Variants in CNTN1 observed in about 807,000 individuals in gnomAD.
CNTN1 encodes the protein contactin 1.
In CNTN1, 38 loss-of-function variants were observed where a neutral mutation model predicts 126.4. The observed-to-expected ratio is 0.30, with a 90% CI of 0.23 to 0.39. The LOEUF (loss-of-function observed/expected upper bound fraction) is 0.39, where lower values mean the gene tolerates loss of function less well. Ranked by LOEUF, CNTN1 falls within the 10% of genes least tolerant of loss-of-function variation. The pLI, the probability that CNTN1 is intolerant of heterozygous loss-of-function variation, is 1.00. For missense variants in CNTN1, 1,009 were observed against 1,248.4 expected (o/e 0.81, Z 2.89); for synonymous variants, 413 against 422.6 (o/e 0.98, Z 0.28).
intron 1 of CNTN1, among the ~76,000 whole-genome samples, chr12:40,905,918 G>A (rs915532083): frequency 2.6e-5 from 4 of 152,126 alleles, no homozygotes; most frequent in African/African-American, 9.7e-5. Context: ...ACGATGTCAT[G>A]CACAATCAAA....
At chr12:40,787,626 GT>G (rs1643440765) in intron 1 of CNTN1, among the ~76,000 whole-genome samples, 1 of 152,040 alleles carries the variant, frequency 6.6e-6, no homozygotes, top group Admixed American at 6.6e-5. Context: ...TCCTTATTAA[GT>G]AAAAGTAAAT....
chr12:40,933,349 A>C, intron 7 of CNTN1, 112 bp from the exon 8 acceptor site: 1 of 792,888 alleles, frequency 1.3e-6, no homozygotes, highest in Non-Finnish European at 2.2e-6. Flanking sequence ...GTACCTGTAC[A>C]GAGAAAAGCT....
At chr12:41,019,902 A>G (rs914374293) in intron 19 of CNTN1, among the ~76,000 whole-genome samples, 4 of 152,154 alleles carry the variant, frequency 2.6e-5, no homozygotes, top group Non-Finnish European at 4.4e-5. Context: ...CAAATTTCCT[A>G]TTTCTGATAA....
Position 41,016,821 on chromosome 12 carries a change from G to T in CNTN1, c.2324G>T (p.Ser775Ile). ...GRYVHKDETMSPSTAFQVKVK... is the reference protein window; with the variant it reads ...GRYVHKDETMIPSTAFQVKVK... The stretch of plus-strand genomic sequence containing the variant: ...TATGTCCATAAAGATGAAACCATGA[G>T]CCCTTCCACTGCATTTCAAGTTAAA... Residue 775 changes from serine (S) to isoleucine (I), a missense_variant, in exon 19 of 24, where the codon AGC becomes ATC. Transcript: ENST00000551295. 6.2e-7 allele frequency: 1 copy of T among 1,614,036 alleles called. No homozygotes were observed. Among genetic ancestry groups the T allele is most frequent in the Non-Finnish European group, 8.5e-7 (1 of 1,179,984 alleles).
intron 23 of CNTN1, among the ~76,000 whole-genome samples, chr12:41,034,674 C>A (rs1311694547): frequency 6.6e-6 from 1 of 152,112 alleles, no homozygotes; most frequent in Non-Finnish European, 1.5e-5. Context: ...ATAAATCTAG[C>A]CTATATATTT....
chr12:40,702,100 AT>A (rs11330800), intron 1 of CNTN1, among the ~76,000 whole-genome samples: 125,333 of 145,472 alleles, frequency 0.86, 53,990 homozygotes, highest in East Asian at 0.99. Flanking sequence ...TTTGTATCGG[AT>A]TTTTTTTTTT....
Position 40,716,316 on chromosome 12 carries a change from C to T in CNTN1, c.-77+23724C>T, listed in dbSNP as rs371374718. 9.3e-5 allele frequency among the ~76,000 whole-genome samples: 14 copies of T among 151,042 alleles called. No homozygotes were observed. The East Asian group carries it at 2.7e-3, about 29-fold the overall frequency. ...TCTCTCCCTTTCTTCCTCCTCTCTC[C>T]TTTCCCTCCCTTCCTTTCCTCCTTC... On this transcript the variant is annotated intron_variant, in intron 1 of 23. Transcript: ENST00000551295.
At chr12:40,939,845 C>G (rs1946204511) in intron 12 of CNTN1, among the ~76,000 whole-genome samples, 1 of 152,026 alleles carries the variant, frequency 6.6e-6, no homozygotes, top group Non-Finnish European at 1.5e-5. Context: ...GCATCTATAT[C>G]CATTCATATT....
intron 1 of CNTN1, among the ~76,000 whole-genome samples, chr12:40,825,185 G>A (rs1941572176): frequency 6.6e-6 from 1 of 152,144 alleles, no homozygotes; most frequent in Non-Finnish European, 1.5e-5. Context: ...AGGACACAGA[G>A]AGAAAAGTAG....
At chr12:41,035,311 CCA>C (rs1261747590) in intron 23 of CNTN1, among the ~76,000 whole-genome samples, 1 of 152,120 alleles carries the variant, frequency 6.6e-6, no homozygotes, top group African/African-American at 2.4e-5. Flanking sequence ...GTCTTAGCCT[CCA>C]GAGTTATATT....
At chr12:40,969,325 A>T (rs1399338653) in intron 15 of CNTN1, among the ~76,000 whole-genome samples, 2 of 152,178 alleles carry the variant, frequency 1.3e-5, no homozygotes, top group Non-Finnish European at 2.9e-5. Flanking sequence ...TCATCGGTTT[A>T]TGAAGCTACA....
intron 1 of CNTN1, among the ~76,000 whole-genome samples, chr12:40,860,786 T>A (rs1292851590): frequency 1.3e-5 from 2 of 152,074 alleles, no homozygotes; most frequent in Non-Finnish European, 2.9e-5. Context: ...GGGATTTTAA[T>A]GGAAAGTTAT....
intron 7 of CNTN1, among the ~76,000 whole-genome samples, chr12:40,932,897 A>G (rs1945940478): frequency 6.6e-6 from 1 of 152,014 alleles, no homozygotes; most frequent in Non-Finnish European, 1.5e-5. Flanking sequence ...CTGAAGGATT[A>G]ATACATCTTT....
At chr12:40,776,440 A>T (rs966138735) in intron 1 of CNTN1, among the ~76,000 whole-genome samples, 8 of 151,710 alleles carry the variant, frequency 5.3e-5, no homozygotes, top group Admixed American at 3.3e-4. Flanking sequence ...ACTTCCAGCC[A>T]TTATTGATTT....
intron 1 of CNTN1, among the ~76,000 whole-genome samples, chr12:40,783,555 T>C (rs545180308): frequency 6.6e-6 from 1 of 152,240 alleles, no homozygotes; most frequent in South Asian, 2.1e-4. Context: ...TAAACATCAA[T>C]TTCAATATGT....
At chr12:40,979,188 T>C (rs1233510548) in intron 15 of CNTN1, 1 of 152,196 alleles carries the variant, frequency 6.6e-6, no homozygotes, top group African/African-American at 2.4e-5. Flanking sequence ...TTTATAAAAG[T>C]TCGCTTGCTT....
chr12:41,014,140 C>A, intron 17 of CNTN1, 88 bp from the exon 18 acceptor site: 1 of 1,191,666 alleles, frequency 8.4e-7, no homozygotes, highest in Non-Finnish European at 1.2e-6. Flanking sequence ...TTTGTGGTTT[C>A]TGTGGTGAAT....
intron 14 of CNTN1, among the ~76,000 whole-genome samples, chr12:40,946,145 T>C (rs1296658803): frequency 6.6e-6 from 1 of 152,136 alleles, no homozygotes; most frequent in African/African-American, 2.4e-5. Context: ...ACAAGACTAA[T>C]GAAGCTATCC....
At chr12:40,811,699 A>C (rs974064085) in intron 1 of CNTN1, among the ~76,000 whole-genome samples, 1 of 151,498 alleles carries the variant, frequency 6.6e-6, no homozygotes, top group Admixed American at 6.6e-5. Context: ...ATAATTGTTC[A>C]TAGTAGCCTC....
Sources: gnomAD v4.1 joint callset for allele counts (sites outside exome capture counted in the v4.1 genomes callset) on GRCh38, gnomAD v4.1.1 for gene constraint, MANE v1.5 for transcripts, NCBI Gene and HGNC (gene_info 2026-07-23, HGNC 2026-07-21) for gene names.